The following B3GALT1 variants were observed in gnomAD, a reference collection of about 807,000 sequenced individuals.
B3GALT1 encodes the protein UDP-Gal:betaGlcNAc beta 1,3-galactosyltransferase, polypeptide 1.
B3GALT1 carries 10 observed loss-of-function variants against 23.2 expected under a neutral mutation model. The observed-to-expected ratio is 0.43, with a 90% CI of 0.27 to 0.73. The LOEUF (loss-of-function observed/expected upper bound fraction) is 0.73, where lower values mean the gene tolerates loss of function less well. Among genes scored for constraint, B3GALT1 ranks in the 30% least tolerant of loss-of-function variants. B3GALT1 has a pLI of 0.21. For synonymous variants in B3GALT1, 156 were observed against 141.5 expected (o/e 1.10, Z -0.73); for missense variants, 299 against 405.4 (o/e 0.74, Z 2.25).
chr2:167,747,486 A>G (rs543538174), intron 3 of B3GALT1, among the ~76,000 whole-genome samples: 2 of 152,340 alleles, frequency 1.3e-5, no homozygotes, highest in East Asian at 1.9e-4. Context: ...TCAGAACTAG[A>G]TGAGGTCACT....
chr2:167,854,852 C>T (rs1057040535), intron 4 of B3GALT1, among the ~76,000 whole-genome samples: 1 of 152,112 alleles, frequency 6.6e-6, no homozygotes, highest in Non-Finnish European at 1.5e-5. Flanking sequence ...GGGGCAGAGC[C>T]TTCTGATGCC....
At chr2:167,755,502 A>T (rs1034673379) in intron 3 of B3GALT1, among the ~76,000 whole-genome samples, 1 of 145,682 alleles carries the variant, frequency 6.9e-6, no homozygotes, top group East Asian at 2.1e-4. Flanking sequence ...CCTCCAATCA[A>T]TGAGGGGTGA....
chr2:167,810,912 C>T (rs1420427691), intron 3 of B3GALT1, among the ~76,000 whole-genome samples: 2 of 152,130 alleles, frequency 1.3e-5, no homozygotes, highest in Non-Finnish European at 2.9e-5. Context: ...AAGAAGAAAG[C>T]AGGAGGATGT....
chr2:167,802,505 C>T (rs1558983780), intron 3 of B3GALT1, among the ~76,000 whole-genome samples: 2 of 152,212 alleles, frequency 1.3e-5, no homozygotes, highest in Non-Finnish European at 2.9e-5. Flanking sequence ...AATCCCTGTG[C>T]ACCACCAGCT....
At chr2:167,465,572 G>A (rs952791127) in intron 1 of B3GALT1, among the ~76,000 whole-genome samples, 5 of 152,032 alleles carry the variant, frequency 3.3e-5, no homozygotes, top group Non-Finnish European at 7.4e-5. Context: ...TAATTTCCAC[G>A]CATGAGGACT....
intron 4 of B3GALT1, among the ~76,000 whole-genome samples, chr2:167,855,039 T>G (rs1478986032): frequency 6.6e-6 from 1 of 152,166 alleles, no homozygotes; most frequent in Non-Finnish European, 1.5e-5. Flanking sequence ...ACCTTAATAT[T>G]GTTAAGGAAG....
chr2:167,830,112 T>G (rs1412721051), intron 4 of B3GALT1, among the ~76,000 whole-genome samples: 1 of 152,212 alleles, frequency 6.6e-6, no homozygotes, highest in East Asian at 1.9e-4. Context: ...ATCATTTCTC[T>G]CTGTCGTTCT....
chr2:167,802,011 C>T (rs1688645331), intron 3 of B3GALT1, among the ~76,000 whole-genome samples: 1 of 152,146 alleles, frequency 6.6e-6, no homozygotes, highest in South Asian at 2.1e-4. Context: ...TTTATACAAG[C>T]TTTGTGGGGT....
At chr2:167,645,683 T>A (rs956891636) in intron 2 of B3GALT1, among the ~76,000 whole-genome samples, 1 of 148,148 alleles carries the variant, frequency 6.8e-6, no homozygotes, top group Non-Finnish European at 1.5e-5. Flanking sequence ...TTCTCCTGCC[T>A]CAACCTCCTG....
At chr2:167,434,193 G>A (rs1698744326) in intron 1 of B3GALT1, among the ~76,000 whole-genome samples, 2 of 152,106 alleles carry the variant, frequency 1.3e-5, no homozygotes, top group Non-Finnish European at 2.9e-5. Context: ...TAACATTTTG[G>A]CAGGAAATAG....
chr2:167,694,570 T>G (rs1300817545), intron 3 of B3GALT1, among the ~76,000 whole-genome samples: 3 of 152,062 alleles, frequency 2.0e-5, no homozygotes, highest in African/African-American at 7.2e-5. Flanking sequence ...AATAATAAAT[T>G]TTAAAGAAAA....
intron 2 of B3GALT1, among the ~76,000 whole-genome samples, chr2:167,584,022 G>T (rs1684537742): frequency 7.0e-6 from 1 of 142,420 alleles, no homozygotes; most frequent in African/African-American, 2.6e-5. Context: ...AGAGACTGGA[G>T]ATTGGGGGTG....
chr2:167,603,972 A>G (rs925899261), intron 2 of B3GALT1, among the ~76,000 whole-genome samples: 1 of 152,116 alleles, frequency 6.6e-6, no homozygotes, highest in Non-Finnish European at 1.5e-5. Flanking sequence ...TAATTGAGTT[A>G]TCTCAATTAA....
At chr2:167,805,481 A>T (rs1688732560) in intron 3 of B3GALT1, among the ~76,000 whole-genome samples, 1 of 152,278 alleles carries the variant, frequency 6.6e-6, no homozygotes. Context: ...TAAGTCTTTA[A>T]TCCATCTTGA....
At chr2:167,831,089 A>G (rs948845422) in intron 4 of B3GALT1, among the ~76,000 whole-genome samples, 2 of 152,238 alleles carry the variant, frequency 1.3e-5, no homozygotes, top group African/African-American at 4.8e-5. Context: ...CCCCAAAGCC[A>G]AGTATTCATC....
At chr2:167,561,683 C>T (rs530931784) in intron 2 of B3GALT1, among the ~76,000 whole-genome samples, 8 of 152,282 alleles carry the variant, frequency 5.3e-5, no homozygotes, top group South Asian at 2.1e-4. Context: ...AACACCTCTA[C>T]GCAAATAAAG....
intron 1 of B3GALT1, among the ~76,000 whole-genome samples, chr2:167,337,395 C>T (rs1433919214): frequency 6.6e-6 from 1 of 152,062 alleles, no homozygotes. Context: ...CACACGCACA[C>T]ACACCCACAC....
chr2:167,785,919 A>G (rs974970663), intron 3 of B3GALT1, among the ~76,000 whole-genome samples: 5 of 152,158 alleles, frequency 3.3e-5, no homozygotes, highest in African/African-American at 1.2e-4. Flanking sequence ...TTTTTCTACT[A>G]CTGCTTTTCC....
chr2:167,511,509 G>A (rs888751497), intron 2 of B3GALT1, among the ~76,000 whole-genome samples: 2 of 152,152 alleles, frequency 1.3e-5, no homozygotes, highest in Non-Finnish European at 2.9e-5. Context: ...GGAACTGTGA[G>A]CCAATTAATT....
Sources: allele counts gnomAD v4.1 joint callset (sites outside exome capture counted in the v4.1 genomes callset), GRCh38; gene constraint gnomAD v4.1.1; transcripts MANE v1.5; gene names NCBI Gene and HGNC (gene_info 2026-07-23, HGNC 2026-07-21).